The following TENM3 variants were observed in gnomAD, a reference collection of about 807,000 sequenced individuals.
TENM3 encodes teneurin-3.
A neutral mutation model predicts 255.1 loss-of-function variants in TENM3; 63 were observed. The observed-to-expected ratio is 0.25, with a 90% confidence interval of 0.20 to 0.30. TENM3 has a LOEUF of 0.30. TENM3 is among the 10% of genes least tolerant of loss of function. The probability of loss-of-function intolerance (pLI) is 1.00; values close to 1 mark genes in which losing one functional copy is unlikely to be tolerated. For missense variants in TENM3, 2,929 were observed against 3,461.1 expected, an observed-to-expected ratio of 0.85 and a Z score of 3.86; for synonymous variants, 1,306 against 1,322.3, an observed-to-expected ratio of 0.99 and a Z score of 0.27.
chr4:182,126,746 G>GTT, the TENM3 span, among the ~76,000 whole-genome samples: 1 of 152,228 alleles, frequency 6.6e-6, no homozygotes, highest in Non-Finnish European at 1.5e-5. Context: ...AAGAGTTGAA[G>GTT]TGAAAAAAGA....
the TENM3 span, among the ~76,000 whole-genome samples, chr4:181,901,421 A>G: frequency 1.6e-4 from 25 of 152,334 alleles, no homozygotes; most frequent in African/African-American, 5.5e-4. Flanking sequence ...CTTTGAGGCT[A>G]AATTCAATAT....
chr4:181,841,993 T>C, the TENM3 span, among the ~76,000 whole-genome samples: 1 of 152,190 alleles, frequency 6.6e-6, no homozygotes, highest in Non-Finnish European at 1.5e-5. Flanking sequence ...TCTATATATG[T>C]GGATTCTCTT....
chr4:182,120,726 G>GC, the TENM3 span, among the ~76,000 whole-genome samples: 1 of 151,980 alleles, frequency 6.6e-6, no homozygotes, highest in Admixed American at 6.6e-5. Context: ...ATGAGGGAGT[G>GC]CATCAAAACT....
intron 1 of TENM3, among the ~76,000 whole-genome samples, chr4:182,300,554 C>T (rs1113762): frequency 0.023 from 3,461 of 152,250 alleles, 75 homozygotes; most frequent in Admixed American, 0.065. Context: ...CTTGTGCCTA[C>T]CTTTGGCCTT....
At chr4:182,091,928 G>C in the TENM3 span, among the ~76,000 whole-genome samples, 8 of 152,210 alleles carry the variant, frequency 5.3e-5, no homozygotes, top group East Asian at 1.5e-3. Flanking sequence ...GCCCAGACTC[G>C]ATTTTGTTCT....
At chr4:181,497,927 A>G in the TENM3 span, among the ~76,000 whole-genome samples, 1 of 152,242 alleles carries the variant, frequency 6.6e-6, no homozygotes, top group Non-Finnish European at 1.5e-5. Context: ...GTTTTCAAAT[A>G]GAAAATATTT....
the TENM3 span, among the ~76,000 whole-genome samples, chr4:182,101,162 A>G: frequency 1.1e-3 from 27 of 25,066 alleles, 2 homozygotes; most frequent in East Asian, 4.4e-3. Context: ...GAGGAAGGAA[A>G]GAAGGGAGGG....
chr4:182,027,072 G>A, the TENM3 span, among the ~76,000 whole-genome samples: 7 of 151,880 alleles, frequency 4.6e-5, no homozygotes, highest in Admixed American at 2.0e-4. Flanking sequence ...TAACAATATC[G>A]ATTCTTCCAA....
chr4:182,662,382 T>C (rs1407367465), intron 6 of TENM3, among the ~76,000 whole-genome samples: 1 of 152,228 alleles, frequency 6.6e-6, no homozygotes, highest in African/African-American at 2.4e-5. Context: ...TTCAAGATGA[T>C]ACCCTATTGT....
At chr4:182,631,994 C>A (rs1751416253) in intron 5 of TENM3, among the ~76,000 whole-genome samples, 1 of 152,016 alleles carries the variant, frequency 6.6e-6, no homozygotes, top group Non-Finnish European at 1.5e-5. Flanking sequence ...TCTATTTCTT[C>A]AAAATTTCAG....
chr4:182,743,929 G>T (rs1273813867), intron 19 of TENM3, among the ~76,000 whole-genome samples: 3 of 152,004 alleles, frequency 2.0e-5, no homozygotes, highest in Non-Finnish European at 2.9e-5. Context: ...GTTCATTTAA[G>T]TGTGACTTTC....
At chr4:181,605,584 G>A in the TENM3 span, among the ~76,000 whole-genome samples, 404 of 69,016 alleles carry the variant, frequency 5.9e-3, 50 homozygotes, top group Middle Eastern at 0.017. Context: ...GAGAAAGAAA[G>A]GAAAGAAAGA....
Position 182,422,104 on chromosome 4 carries a change from A to G in TENM3, c.511+75175A>G, listed in dbSNP as rs560165588. On this transcript the variant is annotated intron_variant, in intron 3 of 27. Coordinates refer to ENST00000511685, the MANE Select transcript of TENM3 (RefSeq NM_001080477.4). ...TTTTTTCTGTGTTAAAACTATTTGT[A>G]ATGTAAATGTGTTCCTGTGTCTTGA... 2.6e-5 allele frequency among the ~76,000 whole-genome samples: 4 copies of G among 152,332 alleles called. No homozygotes were observed. In the South Asian group the frequency reaches 6.2e-4, roughly 24 times the overall value.
chr4:181,929,615 C>G, the TENM3 span, among the ~76,000 whole-genome samples: 1 of 152,132 alleles, frequency 6.6e-6, no homozygotes, highest in Non-Finnish European at 1.5e-5. Context: ...CAATATTAGA[C>G]AGATCAATGA....
intron 3 of TENM3, among the ~76,000 whole-genome samples, chr4:182,526,705 T>A (rs1739224427): frequency 6.6e-6 from 1 of 152,232 alleles, no homozygotes; most frequent in African/African-American, 2.4e-5. Flanking sequence ...TGAATTGCAC[T>A]AATTTACTGT....
chr4:182,763,438 A>G (rs185090923), intron 22 of TENM3, among the ~76,000 whole-genome samples: 7 of 152,096 alleles, frequency 4.6e-5, no homozygotes, highest in East Asian at 1.9e-4. Context: ...GGTGGCGGGC[A>G]TCTGTAGTCC....
At chr4:182,360,141 C>G (rs35840473) in intron 3 of TENM3, among the ~76,000 whole-genome samples, 5,661 of 143,582 alleles carry the variant, frequency 0.039, 145 homozygotes, top group Non-Finnish European at 0.059. Flanking sequence ...TTACTTCCAA[C>G]TATGTGGTCA....
the TENM3 span, among the ~76,000 whole-genome samples, chr4:181,942,150 C>G: frequency 1.3e-5 from 2 of 152,114 alleles, no homozygotes; most frequent in Non-Finnish European, 2.9e-5. Context: ...TCTCTGCGTG[C>G]CAACTGGCAC....
At chr4:182,222,435 T>A (rs1011961021) in intron 1 of TENM3, among the ~76,000 whole-genome samples, 1 of 152,256 alleles carries the variant, frequency 6.6e-6, no homozygotes, top group Non-Finnish European at 1.5e-5. Context: ...TCAGTGATTC[T>A]GTGTGTGCTT....
Sources: allele counts gnomAD v4.1 joint callset (sites outside exome capture counted in the v4.1 genomes callset), GRCh38; gene constraint gnomAD v4.1.1; transcripts MANE v1.5; gene names NCBI Gene and HGNC (gene_info 2026-07-23, HGNC 2026-07-21).